Variants in TMCO2 observed in about 807,000 individuals in gnomAD.
TMCO2 encodes transmembrane and coiled-coil domain-containing protein 2.
In TMCO2, 15 loss-of-function variants were observed where a neutral mutation model predicts 18.0. The observed-to-expected ratio is 0.84, with a 90% CI of 0.56 to 1.29. The LOEUF is 1.29. TMCO2 is among the 50% of genes most tolerant of loss of function. TMCO2 has a pLI of 0.00. For synonymous variants in TMCO2, 79 were observed against 75.9 expected (o/e 1.04, Z -0.21); for missense variants, 182 against 200.9 (o/e 0.91, Z 0.57).
At chr1:40,248,417 T>C (rs193080716) in intron 1 of TMCO2, among the ~76,000 whole-genome samples, 187 bp downstream of exon 1, 191 of 152,334 alleles carry the variant, frequency 1.3e-3, no homozygotes, top group African/African-American at 4.4e-3. Flanking sequence ...ATAAAAATGC[T>C]TTTCTCACAA....
Position 40,248,210 on chromosome 1 carries a change from C to T in TMCO2, c.217C>T (p.Arg73Ter), listed in dbSNP as rs375918254. 2.2e-5 allele frequency: 36 copies of T among 1,612,774 alleles called. No homozygotes were observed. Among genetic ancestry groups the T allele is most frequent in the African/African-American group, 1.1e-4 (8 of 74,976 alleles). Residue 73 changes from arginine (R) to a stop codon, truncating the protein, a stop_gained, in exon 1 of 2, where the codon CGA becomes TGA. Transcript: ENST00000372766. LOFTEE classifies it high-confidence loss of function. ...LGIGIYALWKRSIQSIQKTLL... is the reference protein window; with the variant it reads ...LGIGIYALWK ...AATAGGAATATATGCCTTATGGAAA[C>T]GAAGTATTCAGTCAATTCAGGTTAT...
chr1:40,249,984 T>C (rs1282676105), intron 1 of TMCO2, among the ~76,000 whole-genome samples: 1 of 137,084 alleles, frequency 7.3e-6, no homozygotes, highest in Non-Finnish European at 1.5e-5. Context: ...ATATGCTTTA[T>C]TTTTATTTTT....
At position 40,248,077 on chromosome 1, in the gene TMCO2, T is replaced by C. The variant is rs756816974; in HGVS notation, c.84T>C (p.Ser28=). Residue 28 remains serine (S), a synonymous_variant, in exon 1 of 2, where the codon AGT becomes AGC. Coordinates refer to ENST00000372766, the MANE Select transcript of TMCO2 (RefSeq NM_001008740.4). ...LSTVWNWIQA[S]FLGETSAPQQ... ...CAGTATGGAATTGGATACAAGCAAG[T>C]TTTTTGGGAGAGACTAGTGCACCTC... 7.4e-6 allele frequency: 12 copies of C among 1,614,060 alleles called. No individual in the cohort carries two copies. The highest frequency in any genetic ancestry group is 1.0e-5 in the Non-Finnish European group (12 of 1,180,032).
chr1:40,251,256 C>T (rs1296657614), intron 1 of TMCO2, 27 bp from the exon 2 acceptor site: 10 of 1,584,794 alleles, frequency 6.3e-6, no homozygotes, highest in Non-Finnish European at 7.7e-6. Context: ...TAGCAACTAA[C>T]ACTCAACTTC....
intron 1 of TMCO2, among the ~76,000 whole-genome samples, chr1:40,250,728 A>C (rs968628408): frequency 6.6e-6 from 1 of 152,364 alleles, no homozygotes. Context: ...ACTTCCAGAC[A>C]TTCAGAAAAT....
In TMCO2 at chr1:40,251,513, G is replaced by T. The variant is rs1483932561; in HGVS notation, c.468G>T (p.Arg156Ser). Reference sequence around the variant, plus strand: ...TTGCTCAAAAACCTGCCACGAAGAGGGATTGCTCCTCTGAGCCCTACTGCA... The same window carrying T: ...TTGCTCAAAAACCTGCCACGAAGAGTGATTGCTCCTCTGAGCCCTACTGCA... ...IIVAQKPATK[R>S]DCSSEPYCSC... The change falls in exon 2 of 2, where the codon AGG (arginine) becomes AGT (serine). Residue 156 changes from arginine to serine, a missense_variant. Arg to Ser is a moderately radical substitution (Grantham distance 110). Coordinates refer to ENST00000372766, the MANE Select transcript of TMCO2 (RefSeq NM_001008740.4). 1 of 1,613,964 alleles carries T rather than the reference G, an allele frequency of 6.2e-7. No homozygotes were observed.
At chr1:40,248,589 T>C (rs1165749000) in intron 1 of TMCO2, among the ~76,000 whole-genome samples, 1 of 152,244 alleles carries the variant, frequency 6.6e-6, no homozygotes, top group Non-Finnish European at 1.5e-5. Flanking sequence ...ATGGCCTTTC[T>C]TACTATGCCA....
rs745976133 is a variant in TMCO2, at chr1:40,247,956, T to G, written c.-38T>G. On this transcript the variant is annotated 5_prime_UTR_variant, in exon 1 of 2. Coordinates refer to ENST00000372766, the MANE Select transcript of TMCO2 (RefSeq NM_001008740.4). ...TAACTCATATTTAGATTCCTGAAGC[T>G]TCTGCACATGTAGTTCCTAGAGCTG... 1 of 1,527,086 alleles carries G rather than the reference T, an allele frequency of 6.5e-7. No homozygotes were observed. Among genetic ancestry groups the G allele is most frequent in the Non-Finnish European group, 9.1e-7 (1 of 1,102,094 alleles). 94.6% of individuals were successfully genotyped at this position (1,527,086 alleles called of 1,614,324 possible). A position where few individuals can be genotyped will look rare whatever the true frequency, so the allele number is the denominator to read the frequency against.
In TMCO2 at chr1:40,251,369, A is replaced by C. The variant is rs1643382316; in HGVS notation, c.324A>C (p.Gly108=). Residue 108 remains glycine, a synonymous_variant, in exon 2 of 2, where the codon GGA becomes GGC. Transcript: ENST00000372766. ...IFEALLANPE[G]SGLRIQDNNN... ...AGGCTTTGCTAGCCAACCCAGAAGGAAGTGGTCTCCGAATTCAAGACAATA... is the reference window on the plus strand; with the variant it reads ...AGGCTTTGCTAGCCAACCCAGAAGGCAGTGGTCTCCGAATTCAAGACAATA... 1 of 1,614,156 alleles carries C rather than the reference A, an allele frequency of 6.2e-7. No homozygotes were observed. Among genetic ancestry groups the C allele is most frequent in the African/African-American group, 1.3e-5 (1 of 75,054 alleles).
chr1:40,249,314 C>CAT (rs138485151), intron 1 of TMCO2, among the ~76,000 whole-genome samples: 148 of 145,310 alleles, frequency 1.0e-3, no homozygotes, highest in African/African-American at 3.5e-3. Flanking sequence ...CGCGCATGCG[C>CAT]ATATATATGT....
intron 1 of TMCO2, among the ~76,000 whole-genome samples, chr1:40,250,212 T>C (rs1449610719): frequency 1.3e-5 from 2 of 151,920 alleles, no homozygotes; most frequent in Non-Finnish European, 1.5e-5. Context: ...TTCACTATGT[T>C]GCTCAGGCTG....
In TMCO2 at chr1:40,251,572, C is replaced by T. The variant is rs760074214; in HGVS notation, c.527C>T (p.Ser176Leu). The change falls in exon 2 of 2, where the codon TCA becomes TTA. Residue 176 changes from serine to leucine, a missense_variant. Ser to Leu is a moderately radical substitution (Grantham distance 145). Coordinates refer to ENST00000372766, the MANE Select transcript of TMCO2 (RefSeq NM_001008740.4). Reference protein sequence around the residue: ...CSDCQSPLSTSGFTSPI With the variant: ...CSDCQSPLSTLGFTSPI ...GACTGCCAGAGTCCCTTGTCCACAT[C>T]AGGGTTTACTTCCCCCATTTGAAAT... 2.5e-6 allele frequency: 4 copies of T among 1,605,634 alleles called. No homozygotes were observed. The highest frequency in any genetic ancestry group is 3.4e-6 in the Non-Finnish European group (4 of 1,178,110).
intron 1 of TMCO2, among the ~76,000 whole-genome samples, chr1:40,250,292 A>C (rs1186958011): frequency 6.6e-6 from 1 of 150,416 alleles, no homozygotes; most frequent in African/African-American, 2.4e-5. Context: ...AGTGGTCCAC[A>C]CCTATAATTT....
At position 40,248,040 on chromosome 1, in the gene TMCO2, T is replaced by C. The variant is rs917425025; in HGVS notation, c.47T>C (p.Leu16Pro). The part of the protein sequence containing the change: ...SSSWDNLLES[L>P]SLSTVWNWIQ... Reference sequence around the variant, plus strand: ...AGCTGGGACAACCTCTTAGAGTCTCTCTCTCTCAGCACAGTATGGAATTGG... The same window carrying C: ...AGCTGGGACAACCTCTTAGAGTCTCCCTCTCTCAGCACAGTATGGAATTGG... The change falls in exon 1 of 2, where the codon CTC becomes CCC. Residue 16 changes from leucine to proline, a missense_variant. Physicochemically the swap from Leu to Pro is moderately conservative, Grantham distance 98. Coordinates refer to ENST00000372766, the MANE Select transcript of TMCO2 (RefSeq NM_001008740.4). 2 of 1,614,206 alleles carry C rather than the reference T, an allele frequency of 1.2e-6. No homozygotes were observed. Among genetic ancestry groups the C allele is most frequent in the Non-Finnish European group, 1.7e-6 (2 of 1,180,040 alleles).
At chr1:40,249,175 C>A (rs1408086131) in intron 1 of TMCO2, among the ~76,000 whole-genome samples, 1 of 150,726 alleles carries the variant, frequency 6.6e-6, no homozygotes, top group East Asian at 2.0e-4. Context: ...GAGTTTGAAT[C>A]GAATTTTTAG....
At position 40,251,266 on chromosome 1, in the gene TMCO2, C is replaced by T. The variant is rs1401310132; in HGVS notation, c.238-17C>T. ...AACTGTAGCAACTAACACTCAACTT[C>T]TGTTGTTCCATTTTAGAAAACATTG... On this transcript the variant is annotated splice_polypyrimidine_tract_variant and intron_variant, in intron 1 of 1. Coordinates refer to ENST00000372766, the MANE Select transcript of TMCO2 (RefSeq NM_001008740.4). The T allele has an allele frequency of 1.2e-6, 2 of 1,600,452 alleles. No individual in the cohort carries two copies. The highest frequency in any genetic ancestry group is 1.7e-6 in the Non-Finnish European group (2 of 1,175,024).
chr1:40,248,299 G>A, intron 1 of TMCO2, 69 bp downstream of exon 1: 1 of 1,323,108 alleles, frequency 7.6e-7, no homozygotes, highest in Non-Finnish European at 1.1e-6. Flanking sequence ...CTCCCATATT[G>A]CTGCCACCAG....
chr1:40,249,420 A>G (rs1643363541), intron 1 of TMCO2, among the ~76,000 whole-genome samples: 1 of 151,962 alleles, frequency 6.6e-6, no homozygotes, highest in South Asian at 2.1e-4. Context: ...TACTTAAAAT[A>G]CAAAAATTAG....
Position 40,247,963 on chromosome 1 carries a change from C to T in TMCO2, c.-31C>T. On this transcript the variant is annotated 5_prime_UTR_variant, in exon 1 of 2. Transcript: ENST00000372766. The stretch of plus-strand genomic sequence containing the variant: ...TATTTAGATTCCTGAAGCTTCTGCA[C>T]ATGTAGTTCCTAGAGCTGCTGCTTA... 1 of 1,556,082 alleles carries T rather than the reference C, an allele frequency of 6.4e-7. No individual in the cohort carries two copies. The highest frequency in any genetic ancestry group is 8.9e-7 in the Non-Finnish European group (1 of 1,127,862).
Sources: allele counts gnomAD v4.1 joint callset (sites outside exome capture counted in the v4.1 genomes callset), GRCh38; gene constraint gnomAD v4.1.1; transcripts MANE v1.5; gene names NCBI Gene and HGNC (gene_info 2026-07-23, HGNC 2026-07-21).